MYO6: variants seen among roughly 807,000 people sequenced by gnomAD.
The protein encoded by MYO6 is unconventional myosin-VI.
A neutral mutation model predicts 178.7 loss-of-function variants in MYO6; 74 were observed. That is an observed-to-expected ratio of 0.41 (90% confidence interval 0.34 to 0.50). MYO6 has a LOEUF of 0.50. MYO6 is among the 20% of genes least tolerant of loss of function. The pLI is 0.09. For synonymous variants in MYO6, 477 were observed against 504.6 expected, an observed-to-expected ratio of 0.95 and a Z score of 0.73; for missense variants, 1,330 against 1,547.4, an observed-to-expected ratio of 0.86 and a Z score of 2.36.
rs149738670 is a variant in MYO6, at chr6:75,906,413, C to T, written c.3177-1192C>T. The stretch of plus-strand genomic sequence containing the variant: ...CTTAAAGGCCAGGTGTGGTGGCTCA[C>T]GCCTGTAATCCCAGCACTTTGGGAG... On this transcript the variant is annotated intron_variant, in intron 30 of 34. Transcript: ENST00000369977. 1.1e-4 allele frequency among the ~76,000 whole-genome samples: 16 copies of T among 152,258 alleles called. No homozygotes were observed. The East Asian group carries it at 1.7e-3, about 17-fold the overall frequency.
In MYO6 at chr6:75,805,021, A is replaced by ATTTTTTTTTT. The variant is rs58697772; in HGVS notation, c.-47-12469_-47-12460dup. On this transcript the variant is annotated intron_variant, in intron 1 of 34. Coordinates refer to ENST00000369977, the MANE Select transcript of MYO6 (RefSeq NM_004999.4). ...CACACACATATATATATATATATAT[A>ATTTTTTTTTT]TTTTTTTTTTTTTTTTTTTTGAGAC... Among the ~76,000 whole-genome samples the ATTTTTTTTTT allele has an allele frequency of 3.4e-3, 262 of 77,284 alleles. 33 individuals are homozygous for ATTTTTTTTTT. Among genetic ancestry groups the ATTTTTTTTTT allele is most frequent in the African/African-American group, 0.023 (231 of 9,852 alleles). The allele number at this position is 77,284 out of a possible 152,430, so 50.7% of individuals were successfully genotyped here. A position where few individuals can be genotyped will look rare whatever the true frequency, so the allele number is the denominator to read the frequency against.
intron 30 of MYO6, among the ~76,000 whole-genome samples, chr6:75,902,756 G>C (rs1477513465): frequency 7.3e-5 from 11 of 149,688 alleles, no homozygotes; most frequent in African/African-American, 2.5e-4. Context: ...GTTATTTCTT[G>C]CCTTCTGCTA....
intron 30 of MYO6, among the ~76,000 whole-genome samples, chr6:75,905,004 C>T (rs1309177168): frequency 2.6e-5 from 4 of 152,170 alleles, no homozygotes; most frequent in Non-Finnish European, 5.9e-5. Flanking sequence ...TGTCAGTCTG[C>T]CCCTGCTGGG....
intron 1 of MYO6, among the ~76,000 whole-genome samples, chr6:75,791,461 A>G (rs750130300): frequency 3.3e-5 from 5 of 152,200 alleles, no homozygotes; most frequent in African/African-American, 9.6e-5. Flanking sequence ...GATTATCTGA[A>G]AATTATTAAA....
At chr6:75,802,375 A>G (rs982779834) in intron 1 of MYO6, among the ~76,000 whole-genome samples, 3 of 152,008 alleles carry the variant, frequency 2.0e-5, no homozygotes, top group Admixed American at 2.0e-4. Flanking sequence ...AGGCTGAATC[A>G]GGAGAATTGC....
intron 5 of MYO6, 88 bp downstream of exon 5, chr6:75,830,633 C>T (rs1222381409): frequency 7.9e-7 from 1 of 1,258,372 alleles, no homozygotes; most frequent in Non-Finnish European, 1.1e-6. Flanking sequence ...ATAAAAGATA[C>T]CATAAATTGA....
intron 1 of MYO6, among the ~76,000 whole-genome samples, chr6:75,750,232 T>A (rs1776745470): frequency 6.6e-6 from 1 of 151,784 alleles, no homozygotes; most frequent in Non-Finnish European, 1.5e-5. Context: ...GTAGCTGGGA[T>A]TACAAGCGCC....
At chr6:75,867,153 ATT>A (rs755458222) in intron 18 of MYO6, 48 bp downstream of exon 18, 134 of 1,392,268 alleles carry the variant, frequency 9.6e-5, no homozygotes, top group Non-Finnish European at 1.1e-4. Context: ...AAATGAAATT[ATT>A]GTTTTATATT....
chr6:75,824,310 A>G (rs924609270), intron 3 of MYO6, among the ~76,000 whole-genome samples: 14 of 152,222 alleles, frequency 9.2e-5, no homozygotes, highest in Admixed American at 9.2e-4. Context: ...AGATGGCAGC[A>G]GTGTTAATGT....
chr6:75,801,795 G>T (rs1459913248), intron 1 of MYO6, among the ~76,000 whole-genome samples: 1 of 152,006 alleles, frequency 6.6e-6, no homozygotes, highest in Non-Finnish European at 1.5e-5. Flanking sequence ...ACAAAAATTA[G>T]CTGGGTGTGG....
chr6:75,903,279 C>G (rs1473322149), intron 30 of MYO6, among the ~76,000 whole-genome samples: 1 of 151,932 alleles, frequency 6.6e-6, no homozygotes, highest in East Asian at 1.9e-4. Context: ...CCTGGGTATC[C>G]TTGTTGACTT....
At position 75,912,563 on chromosome 6, in the gene MYO6, T is replaced by G. The variant is rs778988129; in HGVS notation, c.3439+865T>G. On this transcript the variant is annotated intron_variant, in intron 33 of 34. Coordinates refer to ENST00000369977, the MANE Select transcript of MYO6 (RefSeq NM_004999.4). ...AGTTTCTGAATTTTATCCAGTATCT[T>G]AACTTACAGGAGACTTACTTCAAAT... Among the ~76,000 whole-genome samples, 5 of 152,220 alleles carry G rather than the reference T, an allele frequency of 3.3e-5. No homozygotes were observed. The South Asian group carries it at 1.0e-3, about 32-fold the overall frequency.
chr6:75,831,930 A>C (rs779218647), intron 5 of MYO6, among the ~76,000 whole-genome samples: 7 of 151,086 alleles, frequency 4.6e-5, no homozygotes, highest in Non-Finnish European at 8.8e-5. Context: ...GATAAATTGG[A>C]CAAAGGGATG....
intron 2 of MYO6, among the ~76,000 whole-genome samples, chr6:75,822,544 A>G (rs566555604): frequency 6.6e-6 from 1 of 152,264 alleles, no homozygotes; most frequent in African/African-American, 2.4e-5. Flanking sequence ...AGCCTAGGAT[A>G]CTTACTTACT....
intron 1 of MYO6, among the ~76,000 whole-genome samples, chr6:75,751,068 T>A (rs1776849951): frequency 6.6e-6 from 1 of 152,166 alleles, no homozygotes; most frequent in South Asian, 2.1e-4. Context: ...AGTGAAAAAA[T>A]TACCTTTGTG....
At chr6:75,832,806 A>G (rs1773238691) in intron 5 of MYO6, 36 bp from the exon 6 acceptor site, 3 of 1,235,528 alleles carry the variant, frequency 2.4e-6, no homozygotes, top group East Asian at 2.3e-5. Context: ...TATATTTAAT[A>G]TATTGCTCAT....
Position 75,919,391 on chromosome 6 carries a change from G to A in MYO6, c.*4379G>A, listed in dbSNP as rs1781310908. The A allele has an allele frequency of 6.6e-6, 1 of 152,284 alleles. No individual in the cohort carries two copies. The highest frequency in any genetic ancestry group is 1.5e-5 in the Non-Finnish European group (1 of 68,000). The allele number at this position is 152,284 out of a possible 1,614,324, so 9.4% of individuals were successfully genotyped here. ...CTTTAAATCACAGGCTTATTAGTTG[G>A]GTGTTTTCTTTTTACTTATGAAAAT... On this transcript the variant is annotated 3_prime_UTR_variant, in exon 35 of 35. Coordinates refer to ENST00000369977, the MANE Select transcript of MYO6 (RefSeq NM_004999.4).
Position 75,914,162 on chromosome 6 carries a change from A to G in MYO6, c.3539A>G (p.Asp1180Gly). Reference protein sequence around the residue: ...FFRIPFIRPADQYKDPQSKKK... With the variant: ...FFRIPFIRPAGQYKDPQSKKK... ...CGCATCCCATTCATCCGCCCTGCCGACCAGTACAAAGACCCTCAGAGTAAG... is the reference window on the plus strand; with the variant it reads ...CGCATCCCATTCATCCGCCCTGCCGGCCAGTACAAAGACCCTCAGAGTAAG... Residue 1180 changes from aspartate to glycine, a missense_variant, in exon 34 of 35, where the codon GAC becomes GGC. Asp to Gly is a moderately conservative substitution (Grantham distance 94). This residue lies in a region of MYO6 where 601 missense variants were observed against 626.1 expected (regional missense o/e 0.96). Transcript: ENST00000369977. 3.1e-6 allele frequency: 5 copies of G among 1,614,158 alleles called. No individual in the cohort carries two copies. In the South Asian group the frequency reaches 5.5e-5, roughly 18 times the overall value.
intron 1 of MYO6, among the ~76,000 whole-genome samples, chr6:75,770,944 T>A (rs191999417): frequency 1.3e-5 from 2 of 152,316 alleles, no homozygotes; most frequent in East Asian, 3.9e-4. Context: ...GAGGATAGTA[T>A]TGATAGCTTA....
Sources: allele counts gnomAD v4.1 joint callset (sites outside exome capture counted in the v4.1 genomes callset), GRCh38; gene constraint gnomAD v4.1.1; regional missense constraint gnomAD v4.1.1; transcripts MANE v1.5; gene names NCBI Gene and HGNC (gene_info 2026-07-23, HGNC 2026-07-21).